The following SORCS2 variants were observed in gnomAD, a reference collection of about 807,000 sequenced individuals.
SORCS2 encodes the protein sortilin related VPS10 domain containing receptor 2, also known as VPS10 domain-containing receptor SorCS2.
Under a neutral mutation model 141.6 loss-of-function variants are expected in SORCS2, and 100 were observed. That is an observed-to-expected ratio of 0.71 (90% CI 0.60 to 0.83). The LOEUF (loss-of-function observed/expected upper bound fraction) is 0.83, where lower values mean the gene tolerates loss of function less well. Among genes scored for constraint, SORCS2 ranks in the 40% least tolerant of loss-of-function variants. SORCS2 has a pLI of 0.00. For missense variants in SORCS2, 1,646 were observed against 1,560.2 expected, an observed-to-expected ratio of 1.05 and a Z score of -0.93; for synonymous variants, 789 against 676.9, an observed-to-expected ratio of 1.17 and a Z score of -2.57.
chr4:7,463,950 TG>T (rs1365694759), intron 2 of SORCS2, among the ~76,000 whole-genome samples: 1 of 152,224 alleles, frequency 6.6e-6, no homozygotes, highest in Non-Finnish European at 1.5e-5. Flanking sequence ...CTGATGAGTC[TG>T]GGACGTTGGA....
intron 5 of SORCS2, among the ~76,000 whole-genome samples, chr4:7,655,246 C>G (rs1232100074): frequency 2.0e-5 from 3 of 146,942 alleles, no homozygotes; most frequent in African/African-American, 8.0e-5. Flanking sequence ...CTTTCTCTTT[C>G]TTATCCCACG....
chr4:7,724,121 G>GTGGTGGTGGTGA (rs1726804554), intron 19 of SORCS2, among the ~76,000 whole-genome samples: 2 of 131,188 alleles, frequency 1.5e-5, no homozygotes, highest in Admixed American at 7.5e-5. Context: ...GGTGATGGTG[G>GTGGTGGTGGTGA]TGGTGGTGGT....
intron 2 of SORCS2, among the ~76,000 whole-genome samples, chr4:7,406,676 C>G (rs1437838314): frequency 6.6e-6 from 1 of 151,592 alleles, no homozygotes; most frequent in Non-Finnish European, 1.5e-5. Flanking sequence ...TTCAAAAGAC[C>G]AACTTTTCAT....
At chr4:7,373,255 C>A (rs947716387) in intron 1 of SORCS2, among the ~76,000 whole-genome samples, 1 of 151,096 alleles carries the variant, frequency 6.6e-6, no homozygotes, top group Non-Finnish European at 1.5e-5. Flanking sequence ...TTTTCAACTT[C>A]TAAATTTTAG....
chr4:7,383,229 C>T (rs578108236), intron 1 of SORCS2, among the ~76,000 whole-genome samples: 54 of 152,276 alleles, frequency 3.5e-4, no homozygotes, highest in Admixed American at 8.5e-4. Context: ...ATCAGAACCT[C>T]CAACCTCTAC....
intron 2 of SORCS2, among the ~76,000 whole-genome samples, chr4:7,522,028 C>T (rs1280144913): frequency 1.3e-5 from 2 of 152,236 alleles, no homozygotes; most frequent in African/African-American, 4.8e-5. Context: ...CGTGCATGTT[C>T]TACACACACC....
chr4:7,291,080 G>C (rs1336520076), intron 1 of SORCS2, among the ~76,000 whole-genome samples: 1 of 152,148 alleles, frequency 6.6e-6, no homozygotes, highest in Admixed American at 6.5e-5. Context: ...ACAGGGCATG[G>C]AGCAGGGGGG....
At chr4:7,314,752 T>A (rs1231963610) in intron 1 of SORCS2, among the ~76,000 whole-genome samples, 1 of 150,798 alleles carries the variant, frequency 6.6e-6, no homozygotes, top group African/African-American at 2.4e-5. Context: ...ACCACGGGTG[T>A]GAAGACCCAG....
chr4:7,655,202 T>TGTACACACAC (rs539590139), intron 5 of SORCS2, among the ~76,000 whole-genome samples: 46 of 148,984 alleles, frequency 3.1e-4, no homozygotes, highest in African/African-American at 1.1e-3. Flanking sequence ...CTTGTGCGTG[T>TGTACACACAC]ACACACACAC....
intron 9 of SORCS2, 76 bp from the exon 10 acceptor site, chr4:7,682,667 G>A (rs1404923957): frequency 6.9e-7 from 1 of 1,439,402 alleles, no homozygotes; most frequent in Non-Finnish European, 9.5e-7. Context: ...TTAGCAAGGG[G>A]CTGGAGCATG....
intron 5 of SORCS2, among the ~76,000 whole-genome samples, chr4:7,659,278 A>G (rs1045760748): frequency 3.6e-5 from 5 of 138,294 alleles, no homozygotes; most frequent in East Asian, 2.0e-4. Flanking sequence ...CCTTTCATCA[A>G]AAAAAAAAAA....
At chr4:7,302,766 C>CGTGTGTGTGTGT (rs766083519) in intron 1 of SORCS2, among the ~76,000 whole-genome samples, 182 of 51,996 alleles carry the variant, frequency 3.5e-3, no homozygotes, top group Admixed American at 6.3e-3. Flanking sequence ...AGACAGTCCA[C>CGTGTGTGTGTGT]ATATGTGTGT....
At chr4:7,344,507 C>T (rs1280363258) in intron 1 of SORCS2, among the ~76,000 whole-genome samples, 1 of 152,176 alleles carries the variant, frequency 6.6e-6, no homozygotes, top group Non-Finnish European at 1.5e-5. Flanking sequence ...ACAGAACAGC[C>T]CTAGTGAGAC....
chr4:7,543,694 A>G (rs1342129214), intron 3 of SORCS2, among the ~76,000 whole-genome samples: 3 of 87,276 alleles, frequency 3.4e-5, no homozygotes, highest in Non-Finnish European at 5.2e-5. Context: ...CCACCCATCC[A>G]CCCATCCATC....
chr4:7,601,860 G>GC (rs1717710451), intron 3 of SORCS2, among the ~76,000 whole-genome samples: 1 of 152,074 alleles, frequency 6.6e-6, no homozygotes, highest in Non-Finnish European at 1.5e-5. Flanking sequence ...AGATTAGGGA[G>GC]CGGTGATGAC....
chr4:7,371,787 C>T (rs779124367), intron 1 of SORCS2, among the ~76,000 whole-genome samples: 1 of 152,208 alleles, frequency 6.6e-6, no homozygotes, highest in Non-Finnish European at 1.5e-5. Flanking sequence ...CGCTGTGGGT[C>T]CCTCAGTAGC....
intron 1 of SORCS2, among the ~76,000 whole-genome samples, chr4:7,308,006 G>A (rs1054512992): frequency 6.6e-6 from 1 of 152,116 alleles, no homozygotes; most frequent in African/African-American, 2.4e-5. Context: ...CAGAGTGGGA[G>A]GTAGGCTCCT....
At chr4:7,395,457 C>T (rs1163171877) in intron 1 of SORCS2, among the ~76,000 whole-genome samples, 1 of 152,168 alleles carries the variant, frequency 6.6e-6, no homozygotes, top group African/African-American at 2.4e-5. Context: ...ATTTGATGTA[C>T]ATGAAAACGC....
chr4:7,532,496 C>T (rs1040973124), intron 3 of SORCS2, among the ~76,000 whole-genome samples: 1 of 152,230 alleles, frequency 6.6e-6, no homozygotes, highest in Non-Finnish European at 1.5e-5. Flanking sequence ...AAGGAGAAAT[C>T]TGAGCAGCTT....
Sources: gnomAD v4.1 joint callset for allele counts (sites outside exome capture counted in the v4.1 genomes callset) on GRCh38, gnomAD v4.1.1 for gene constraint, MANE v1.5 for transcripts, NCBI Gene and HGNC (gene_info 2026-07-23, HGNC 2026-07-21) for gene names.